The following NRXN3 variants were observed in gnomAD, a reference collection of about 807,000 sequenced individuals.
NRXN3 encodes neurexin 3, also known as neurexin III.
NRXN3 carries 32 observed loss-of-function variants against 137.6 expected under a neutral mutation model. That is an observed-to-expected ratio of 0.23 (90% CI 0.18 to 0.31). The LOEUF (loss-of-function observed/expected upper bound fraction) is 0.31. Among genes scored for constraint, NRXN3 ranks in the 10% least tolerant of loss-of-function variants. NRXN3 has a pLI of 1.00. For synonymous variants in NRXN3, 798 were observed against 784.5 expected (o/e 1.02, Z -0.29); for missense variants, 1,574 against 2,062.5 (o/e 0.76, Z 4.59).
intron 1 of NRXN3, among the ~76,000 whole-genome samples, chr14:78,172,021 C>G (rs142115147): frequency 1.3e-5 from 2 of 152,110 alleles, no homozygotes; most frequent in Non-Finnish European, 1.5e-5. Context: ...CTTCGGTTCC[C>G]GCTTTGGGGA....
chr14:79,280,270 G>T (rs1251547788), intron 15 of NRXN3: 1 of 1,613,444 alleles, frequency 6.2e-7, no homozygotes. Flanking sequence ...CTGCCCATCT[G>T]TAGTGGTCCC....
At chr14:79,184,177 T>C (rs903615930) in intron 15 of NRXN3, among the ~76,000 whole-genome samples, 2 of 152,320 alleles carry the variant, frequency 1.3e-5, no homozygotes, top group Admixed American at 1.3e-4. Flanking sequence ...GTAAGCTCAT[T>C]AATGAAACCA....
intron 16 of NRXN3, among the ~76,000 whole-genome samples, chr14:79,549,798 TC>T (rs1245064231): frequency 1.3e-5 from 2 of 151,890 alleles, no homozygotes; most frequent in African/African-American, 4.8e-5. Context: ...GCCCAGCAAA[TC>T]CCCAAATTCT....
intron 4 of NRXN3, among the ~76,000 whole-genome samples, chr14:78,398,214 CAAAAAAAAAAAA>C (rs55841376): frequency 6.2e-5 from 8 of 128,218 alleles, no homozygotes; most frequent in African/African-American, 2.0e-4. Flanking sequence ...AACTCTGTTT[CAAAAAAAAAAAA>C]AAAAAAAAAA....
intron 20 of NRXN3, among the ~76,000 whole-genome samples, chr14:79,841,157 G>A (rs1455584552): frequency 6.6e-6 from 1 of 152,138 alleles, no homozygotes; most frequent in Non-Finnish European, 1.5e-5. Context: ...GTCAAGTGCT[G>A]GAGTCTTGGG....
At position 79,861,874 on chromosome 14, in the gene NRXN3, G is replaced by A. The variant is rs752959856; in HGVS notation, c.4626G>A (p.Gln1542=). Reference sequence around the variant, plus strand: ...GGAACTACATCAGCAACTCCGCCCAGAGCAACGGCACGCTCATGAAGGAGA... The same window carrying A: ...GGAACTACATCAGCAACTCCGCCCAAAGCAACGGCACGCTCATGAAGGAGA... ...ETRNYISNSA[Q]SNGTLMKEKQ... is the part of the protein sequence containing the mutation. Residue 1542 remains glutamine, a synonymous_variant, in exon 21 of 21, where the codon CAG becomes CAA. Transcript: ENST00000335750. The surrounding 1 kb of genome is among the most constrained non-coding windows in gnomAD (Gnocchi z 5.4). 3 of 1,614,094 alleles carry A rather than the reference G, an allele frequency of 1.9e-6. No homozygotes were observed.
intron 16 of NRXN3, among the ~76,000 whole-genome samples, chr14:79,623,974 G>C (rs2098253985): frequency 6.6e-6 from 1 of 151,540 alleles, no homozygotes; most frequent in African/African-American, 2.4e-5. Context: ...CTCTTGGAAG[G>C]GTGTTAGAGA....
chr14:78,484,023 C>CAG (rs1361152886), intron 4 of NRXN3, among the ~76,000 whole-genome samples: 53 of 104,256 alleles, frequency 5.1e-4, no homozygotes, highest in East Asian at 2.0e-3. Context: ...CACACACACA[C>CAG]ACACAGAGAG....
intron 16 of NRXN3, among the ~76,000 whole-genome samples, chr14:79,614,115 C>T (rs2552408): frequency 6.5e-4 from 99 of 151,972 alleles, no homozygotes; most frequent in African/African-American, 2.4e-3. Context: ...AAAATTGTCA[C>T]TCTTAAAATC....
chr14:79,538,839 A>G (rs1307479910), intron 16 of NRXN3, among the ~76,000 whole-genome samples: 2 of 152,198 alleles, frequency 1.3e-5, no homozygotes, highest in African/African-American at 4.8e-5. Flanking sequence ...AAATCACATT[A>G]CTTATAATGT....
rs758979325 is a variant in NRXN3 at position 79,861,934 on chromosome 14, G to T, written c.4686G>T (p.Gln1562His). 207 of 1,613,144 alleles carry T rather than the reference G, an allele frequency of 1.3e-4. No homozygotes were observed. The highest frequency in any genetic ancestry group is 1.7e-4 in the Non-Finnish European group (198 of 1,179,658). The change falls in exon 21 of 21, where the codon CAG (glutamine) becomes CAT (histidine). Residue 1562 changes from glutamine to histidine, a missense_variant. By Grantham distance (24) the Gln-to-His change is conservative. This residue lies in a region of NRXN3 where 320 missense variants were observed against 387.1 expected (regional missense o/e 0.83). Transcript: ENST00000335750. This position sits in a 1 kb window ranked among gnomAD's most constrained non-coding sequence, Gnocchi z 5.4. ...QQSSKSGHKK[Q>H]KNKDREYYV The stretch of plus-strand genomic sequence containing the variant: ...GCTCGAAGAGCGGCCACAAGAAACA[G>T]AAAAACAAGGACAGGGAGTATTACG...
intron 4 of NRXN3, among the ~76,000 whole-genome samples, chr14:78,355,352 T>A (rs1241528334): frequency 1.8e-3 from 2 of 1,116 alleles, no homozygotes; most frequent in South Asian, 0.013. Flanking sequence ...CATATTGACT[T>A]TTTTTTTTTT....
intron 1 of NRXN3, among the ~76,000 whole-genome samples, chr14:78,183,458 T>C (rs1048262462): frequency 2.0e-5 from 3 of 152,110 alleles, no homozygotes; most frequent in Admixed American, 2.0e-4. Context: ...TACAGGGACT[T>C]AGTTATGAAT....
intron 19 of NRXN3, among the ~76,000 whole-genome samples, chr14:79,769,414 C>G (rs2099068706): frequency 6.6e-6 from 1 of 152,172 alleles, no homozygotes; most frequent in East Asian, 1.9e-4. Flanking sequence ...ATCAGACTAA[C>G]AGCAGATCTC....
At chr14:79,073,908 T>C (rs2099691734) in intron 15 of NRXN3, among the ~76,000 whole-genome samples, 1 of 152,224 alleles carries the variant, frequency 6.6e-6, no homozygotes, top group Non-Finnish European at 1.5e-5. Flanking sequence ...TTAACCTCTC[T>C]GTGCCTAGTA....
chr14:79,128,143 C>G (rs74577864), intron 15 of NRXN3, among the ~76,000 whole-genome samples: 11 of 143,324 alleles, frequency 7.7e-5, no homozygotes, highest in Admixed American at 4.9e-4. Flanking sequence ...TTGACTTCCT[C>G]TTTTCCTAAT....
intron 17 of NRXN3, among the ~76,000 whole-genome samples, chr14:79,679,491 C>T (rs2098658416): frequency 6.6e-6 from 1 of 152,114 alleles, no homozygotes; most frequent in African/African-American, 2.4e-5. Flanking sequence ...TCGAAAACTT[C>T]AAAGCTAATA....
At chr14:79,246,272 G>C (rs913511736) in intron 15 of NRXN3, among the ~76,000 whole-genome samples, 26 of 152,204 alleles carry the variant, frequency 1.7e-4, no homozygotes, top group African/African-American at 5.3e-4. Flanking sequence ...TTTTGGCCTG[G>C]AAAGCTCAGA....
intron 15 of NRXN3, among the ~76,000 whole-genome samples, chr14:79,249,731 C>T (rs1213068755): frequency 6.6e-6 from 1 of 152,130 alleles, no homozygotes; most frequent in Non-Finnish European, 1.5e-5. Context: ...AGGAAAAAGA[C>T]AGTCTTATGA....
Sources: gnomAD v4.1 joint callset for allele counts (sites outside exome capture counted in the v4.1 genomes callset) on GRCh38, gnomAD v4.1.1 for gene constraint, gnomAD v4.1.1 regional missense constraint, Gnocchi (gnomAD v3.1) non-coding constraint, MANE v1.5 for transcripts, NCBI Gene and HGNC (gene_info 2026-07-23, HGNC 2026-07-21) for gene names.